Variants in ACTN2 observed in about 807,000 individuals in gnomAD.
The protein encoded by ACTN2 is actinin alpha 2, also known as alpha-actinin-2.
In ACTN2, 39 loss-of-function variants were observed where a neutral mutation model predicts 113.8. That is an observed-to-expected ratio of 0.34 (90% confidence interval 0.27 to 0.45). The LOEUF is 0.45. ACTN2 is among the 20% of genes least tolerant of loss of function. ACTN2 has a pLI of 1.00. For synonymous variants in ACTN2, 429 were observed against 444.1 expected (o/e 0.97, Z 0.43); for missense variants, 992 against 1,177.9 (o/e 0.84, Z 2.31).
At chr1:236,717,135 C>G (rs1658242803) in intron 1 of ACTN2, among the ~76,000 whole-genome samples, 1 of 151,862 alleles carries the variant, frequency 6.6e-6, no homozygotes, top group South Asian at 2.1e-4. Flanking sequence ...CACACCTGGC[C>G]TTTGAACATT....
At chr1:236,706,005 G>C (rs1340783305) in intron 1 of ACTN2, among the ~76,000 whole-genome samples, 2 of 152,106 alleles carry the variant, frequency 1.3e-5, no homozygotes, top group East Asian at 3.9e-4. Context: ...TCAAGTGCTG[G>C]GAGAACCATC....
chr1:236,721,459 C>T (rs1034379171), intron 4 of ACTN2, among the ~76,000 whole-genome samples: 4 of 152,060 alleles, frequency 2.6e-5, no homozygotes, highest in African/African-American at 2.4e-5. Flanking sequence ...CTTCTGGCAC[C>T]GGAGACCGAC....
chr1:236,692,624 A>G (rs534055867), intron 1 of ACTN2, among the ~76,000 whole-genome samples: 5 of 152,210 alleles, frequency 3.3e-5, no homozygotes, highest in African/African-American at 7.2e-5. Context: ...AGGGACTGTA[A>G]TAAATATACA....
chr1:236,691,449 C>A (rs892314124), intron 1 of ACTN2, among the ~76,000 whole-genome samples: 16 of 151,822 alleles, frequency 1.1e-4, no homozygotes, highest in African/African-American at 3.1e-4. Flanking sequence ...TTGAGACTGG[C>A]CTGGGCAACA....
rs1379538215 is a variant in ACTN2 at position 236,757,691 on chromosome 1, A to G, written c.2301+59A>G. 22 of 1,595,536 alleles carry G rather than the reference A, an allele frequency of 1.4e-5. No homozygotes were observed. The East Asian group carries it at 4.7e-4, about 34-fold the overall frequency. On this transcript the variant is annotated intron_variant, in intron 18 of 20. Transcript: ENST00000366578. ...GGGGACATTAAACAATGTATCTGAA[A>G]TAATATGCATGCTCTCGTTTTAAGT...
intron 9 of ACTN2, 62 bp from the exon 10 acceptor site, chr1:236,739,240 T>C (rs1470236728): frequency 1.9e-6 from 3 of 1,540,788 alleles, no homozygotes; most frequent in East Asian, 2.2e-5. Context: ...TCATTTTTTT[T>C]TTTTAACTGG....
intron 10 of ACTN2, 119 bp downstream of exon 10, chr1:236,739,651 A>G (rs1157895200): frequency 1.6e-6 from 2 of 1,252,564 alleles, no homozygotes; most frequent in African/African-American, 3.0e-5. Flanking sequence ...TTGTGTGAAT[A>G]TCATTTTGGC....
In ACTN2 at chr1:236,755,063, C is replaced by G. The variant is rs993980510; in HGVS notation, c.2019C>G (p.Asp673Glu). 1.2e-6 allele frequency: 2 copies of G among 1,614,100 alleles called. No homozygotes were observed. Among genetic ancestry groups the G allele is most frequent in the African/African-American group, 2.7e-5 (2 of 74,924 alleles). Residue 673 changes from aspartate (D) to glutamate (E), a missense_variant, in exon 17 of 21, where the codon GAC becomes GAG. Asp to Glu is a conservative substitution (Grantham distance 45). Coordinates refer to ENST00000366578, the MANE Select transcript of ACTN2 (RefSeq NM_001103.4). ...TCCAGATCACAGGAGCCCTGGAAGA[C>G]CAGATGAACCAGCTGAAGCAGTATG... ...SSIQITGALE[D>E]QMNQLKQYEH...
At chr1:236,704,301 C>T (rs1224009671) in intron 1 of ACTN2, among the ~76,000 whole-genome samples, 1 of 152,138 alleles carries the variant, frequency 6.6e-6, no homozygotes, top group African/African-American at 2.4e-5. Flanking sequence ...AACAGTCAAC[C>T]CAGAAGACTT....
intron 20 of ACTN2, 72 bp from the exon 21 acceptor site, chr1:236,762,389 T>C: frequency 1.9e-6 from 3 of 1,578,086 alleles, no homozygotes; most frequent in Non-Finnish European, 2.6e-6. Context: ...GCAAGAAATA[T>C]GTAAGTATTA....
intron 1 of ACTN2, among the ~76,000 whole-genome samples, chr1:236,703,911 A>C (rs1198944154): frequency 6.6e-6 from 1 of 152,204 alleles, no homozygotes; most frequent in Non-Finnish European, 1.5e-5. Flanking sequence ...AAATGTTTGT[A>C]GGAAATTTTC....
chr1:236,736,169 G>A (rs3768123), intron 8 of ACTN2, among the ~76,000 whole-genome samples: 70,142 of 152,152 alleles, frequency 0.46, 19,192 homozygotes, highest in Non-Finnish European at 0.61. Context: ...AAATAGTGGA[G>A]GGGATAACAG....
Position 236,742,937 on chromosome 1 carries a change from G to T in ACTN2, c.1149G>T (p.Lys383Asn). The change falls in exon 11 of 21, where the codon AAG (lysine) becomes AAT (asparagine). Residue 383 changes from lysine to asparagine, a missense_variant. Lys to Asn is a moderately conservative substitution (Grantham distance 94, BLOSUM62 0). Transcript: ENST00000366578. ...GAWQRLEQAE[K>N]GYEEWLLNEI... ...GGCAGAGGCTGGAGCAGGCTGAGAA[G>T]GGTTACGAGGAGTGGTTGCTCAATG... 6.2e-7 allele frequency: 1 copy of T among 1,614,198 alleles called. No homozygotes were observed. Among genetic ancestry groups the T allele is most frequent in the Non-Finnish European group, 8.5e-7 (1 of 1,180,052 alleles).
intron 1 of ACTN2, among the ~76,000 whole-genome samples, chr1:236,698,394 A>T (rs1249547282): frequency 2.6e-5 from 4 of 152,190 alleles, no homozygotes; most frequent in Non-Finnish European, 5.9e-5. Flanking sequence ...AGTCATGAAA[A>T]TCGTAAAAGC....
chr1:236,736,849 C>G (rs866151491), intron 8 of ACTN2, among the ~76,000 whole-genome samples: 5 of 152,038 alleles, frequency 3.3e-5, no homozygotes, highest in Non-Finnish European at 5.9e-5. Flanking sequence ...GGATGTTTAC[C>G]GAGTTTGTGT....
chr1:236,728,630 T>C (rs1658629290), intron 6 of ACTN2, among the ~76,000 whole-genome samples: 1 of 124,802 alleles, frequency 8.0e-6, no homozygotes, highest in Non-Finnish European at 1.6e-5. Flanking sequence ...TTTTTTTAGT[T>C]TTGCTTTTTT....
At chr1:236,712,871 TA>T (rs1447905012) in intron 1 of ACTN2, among the ~76,000 whole-genome samples, 8 of 151,684 alleles carry the variant, frequency 5.3e-5, no homozygotes, top group African/African-American at 1.7e-4. Context: ...ATTTAAATTT[TA>T]AAAATTTTAT....
At chr1:236,752,863 C>G (rs1035839908) in intron 15 of ACTN2, among the ~76,000 whole-genome samples, 6 of 152,134 alleles carry the variant, frequency 3.9e-5, no homozygotes, top group Non-Finnish European at 8.8e-5. Flanking sequence ...AGAAATATAT[C>G]ATTTTTTAAA....
chr1:236,749,409 C>A, intron 14 of ACTN2, 145 bp downstream of exon 14: 3 of 1,041,672 alleles, frequency 2.9e-6, no homozygotes, highest in Non-Finnish European at 4.2e-6. Context: ...ACCCTTGAAC[C>A]TTAGCTTAAA....
Sources: allele counts gnomAD v4.1 joint callset (sites outside exome capture counted in the v4.1 genomes callset), GRCh38; gene constraint gnomAD v4.1.1; transcripts MANE v1.5; gene names NCBI Gene and HGNC (gene_info 2026-07-23, HGNC 2026-07-21).